Variants in NAE1 observed in about 807,000 individuals in gnomAD.
NAE1 encodes the protein NEDD8 activating enzyme E1 subunit 1.
A neutral mutation model predicts 88.0 loss-of-function variants in NAE1; 59 were observed. The observed-to-expected ratio is 0.67, with a 90% CI of 0.54 to 0.83. The LOEUF (loss-of-function observed/expected upper bound fraction) is 0.83. NAE1 is among the 40% of genes least tolerant of loss of function. The probability of loss-of-function intolerance (pLI) is 0.00; values close to 1 mark genes in which losing one functional copy is unlikely to be tolerated. For synonymous variants in NAE1, 186 were observed against 208.9 expected, an observed-to-expected ratio of 0.89 and a Z score of 0.95; for missense variants, 554 against 632.8, an observed-to-expected ratio of 0.88 and a Z score of 1.34.
intron 1 of NAE1, chr16:66,828,129 C>T: frequency 1.5e-6 from 2 of 1,361,596 alleles, no homozygotes; most frequent in South Asian, 1.2e-5. Context: ...CAAAGTATGG[C>T]ACGTAGAAGA....
Position 66,816,720 on chromosome 16 carries a change from T to C in NAE1, c.749-48A>G, listed in dbSNP as rs946578693. The C allele has an allele frequency of 2.8e-6, 4 of 1,407,346 alleles. No homozygotes were observed. The African/African-American group carries it at 5.7e-5, about 20-fold the overall frequency. The allele number at this position is 1,407,346 out of a possible 1,614,324, so 87.2% of individuals were successfully genotyped here. ...GCAAACAGCCCTTTTCTTTTCACTC[T>C]TCTGTTCCCCCATTATAAAAATAAC... On this transcript the variant is annotated intron_variant, in intron 10 of 19. Transcript: ENST00000290810.
At chr16:66,805,669 C>T in intron 19 of NAE1, 108 bp downstream of exon 19, 2 of 901,354 alleles carry the variant, frequency 2.2e-6, no homozygotes, top group Non-Finnish European at 1.5e-6. Flanking sequence ...ATATAACATC[C>T]TGCTTCACTG....
In NAE1 at chr16:66,830,832, T is replaced by TGAGCCTCGGC. The variant is rs1218806728; in HGVS notation, c.53+5_53+14dup. On this transcript the variant is annotated intron_variant, in intron 1 of 19. Transcript: ENST00000290810. ...GCCCGCCGGCCCGCCCTCGGCTCGG[T>TGAGCCTCGGC]GAGCCTCGGCTCACCTCAGCTGCCG... The TGAGCCTCGGC allele has an allele frequency of 6.6e-7, 1 of 1,506,554 alleles. No individual in the cohort carries two copies. Among genetic ancestry groups the TGAGCCTCGGC allele is most frequent in the African/African-American group, 1.5e-5 (1 of 68,848 alleles). 93.3% of individuals were successfully genotyped at this position (1,506,554 alleles called of 1,614,324 possible). A position where few individuals can be genotyped will look rare whatever the true frequency, so the allele number is the denominator to read the frequency against.
chr16:66,806,620 C>T (rs1474695260), intron 17 of NAE1, among the ~76,000 whole-genome samples: 1 of 151,996 alleles, frequency 6.6e-6, no homozygotes, highest in Non-Finnish European at 1.5e-5. Context: ...TCAGTGTTGG[C>T]TAGGCTGGTC....
chr16:66,813,334 TCTCA>T (rs1309461507), intron 13 of NAE1: 3 of 454,872 alleles, frequency 6.6e-6, no homozygotes, highest in Non-Finnish European at 1.2e-5. Context: ...GAGATGGAAG[TCTCA>T]CTATGTTGCC....
intron 8 of NAE1, among the ~76,000 whole-genome samples, chr16:66,817,713 C>T (rs2145334466): frequency 1.3e-5 from 2 of 152,266 alleles, no homozygotes; most frequent in South Asian, 4.1e-4. Flanking sequence ...ACCAGCAAAA[C>T]AGTCTCAGAG....
intron 15 of NAE1, 111 bp downstream of exon 15, chr16:66,810,263 T>G (rs1266508275): frequency 2.4e-6 from 2 of 820,374 alleles, no homozygotes; most frequent in African/African-American, 3.5e-5. Flanking sequence ...TATATCTATA[T>G]CACTGAGGCC....
intron 7 of NAE1, among the ~76,000 whole-genome samples, chr16:66,819,654 GAAGT>G (rs1355866870): frequency 2.0e-5 from 3 of 152,152 alleles, no homozygotes; most frequent in Non-Finnish European, 4.4e-5. Context: ...CCAAAAATCT[GAAGT>G]AAGAAATGTT....
At chr16:66,824,808 G>T (rs368859063) in intron 4 of NAE1, 47 bp downstream of exon 4, 114 of 1,519,088 alleles carry the variant, frequency 7.5e-5, no homozygotes, top group Middle Eastern at 6.9e-4. Context: ...CAAAACACAG[G>T]GGCATCATTA....
At chr16:66,814,481 T>C (rs772870967) in intron 11 of NAE1, among the ~76,000 whole-genome samples, 2 of 151,426 alleles carry the variant, frequency 1.3e-5, no homozygotes, top group Non-Finnish European at 2.9e-5. Flanking sequence ...TGGTCCCAGC[T>C]ACTTGGGAGG....
chr16:66,819,277 T>G (rs1960162640), intron 7 of NAE1, among the ~76,000 whole-genome samples: 1 of 152,200 alleles, frequency 6.6e-6, no homozygotes, highest in Non-Finnish European at 1.5e-5. Context: ...AGCATCACCA[T>G]CTACCTAGAC....
intron 3 of NAE1, among the ~76,000 whole-genome samples, chr16:66,825,340 G>A (rs372463840): frequency 5.2e-4 from 79 of 151,998 alleles, no homozygotes; most frequent in Middle Eastern, 3.4e-3. Context: ...CCAGCTACTC[G>A]GAAGGCTGAG....
intron 1 of NAE1, among the ~76,000 whole-genome samples, chr16:66,827,290 C>T (rs1157206277): frequency 6.6e-6 from 1 of 151,812 alleles, no homozygotes; most frequent in African/African-American, 2.4e-5. Context: ...TTAGATGTGC[C>T]AGGTGCAGTG....
At position 66,830,940 on chromosome 16, in the gene NAE1, A is replaced by C. The variant is rs542850098; in HGVS notation, c.-41T>G. ...GCGGAAAACAGCCGAGCCCCTGCGG[A>C]GCGCCGCCACCAGCTCCACAAGCGC... is the stretch of plus-strand genomic sequence containing the variant. On this transcript the variant is annotated 5_prime_UTR_variant, in exon 1 of 20. Transcript: ENST00000290810. 157 of 1,492,650 alleles carry C rather than the reference A, an allele frequency of 1.1e-4. No homozygotes were observed. The African/African-American group carries it at 2.0e-3, about 19-fold the overall frequency. 92.5% of individuals were successfully genotyped at this position (1,492,650 alleles called of 1,614,324 possible).
chr16:66,821,849 G>C (rs1960275090), intron 6 of NAE1, among the ~76,000 whole-genome samples: 1 of 152,126 alleles, frequency 6.6e-6, no homozygotes, highest in Non-Finnish European at 1.5e-5. Flanking sequence ...TTCCATGATA[G>C]AGAAAAAATA....
chr16:66,827,932 C>A, intron 1 of NAE1: 1 of 1,511,242 alleles, frequency 6.6e-7, no homozygotes. Flanking sequence ...GCATTTCTCT[C>A]GCCTCAGCCT....
Position 66,826,568 on chromosome 16 carries a change from G to A in NAE1, c.173C>T (p.Thr58Ile), listed in dbSNP as rs765536797. Residue 58 changes from threonine to isoleucine, a missense_variant, in exon 3 of 20, where the codon ACA (threonine) becomes ATA (isoleucine). By Grantham distance (89) the Thr-to-Ile change is moderately conservative. Transcript: ENST00000290810. ...GCTGACCTGATTTCCATCAATAATT[G>A]TAAACGAACCAATACCTGAGAGCCA... The part of the protein sequence containing the change: ...NLVLPGIGSF[T>I]IIDGNQVSGE... 6.2e-7 allele frequency: 1 copy of A among 1,614,050 alleles called. No individual in the cohort carries two copies. The highest frequency in any genetic ancestry group is 8.5e-7 in the Non-Finnish European group (1 of 1,179,992).
At chr16:66,824,495 GGGA>G in intron 4 of NAE1, 1 of 159,162 alleles carries the variant, frequency 6.3e-6, no homozygotes, top group South Asian at 1.8e-4. Context: ...GGAAGACTGA[GGGA>G]GGAGAACGGC....
At position 66,816,021 on chromosome 16, in the gene NAE1, GTAA is replaced by G. The variant is rs1336706121; in HGVS notation, c.840+557_840+559del. ...CTGCCTTGTTGTCTCTAAAAAGTTG[GTAA>G]TAATATCTTACGTGCCTTCCTAACT... On this transcript the variant is annotated intron_variant, in intron 11 of 19. Coordinates refer to ENST00000290810, the MANE Select transcript of NAE1 (RefSeq NM_003905.4). Among the ~76,000 whole-genome samples, 4 of 152,278 alleles carry G rather than the reference GTAA, an allele frequency of 2.6e-5. No individual in the cohort carries two copies. The East Asian group carries it at 7.7e-4, about 29-fold the overall frequency.
Sources: allele counts gnomAD v4.1 joint callset (sites outside exome capture counted in the v4.1 genomes callset), GRCh38; gene constraint gnomAD v4.1.1; transcripts MANE v1.5; gene names NCBI Gene and HGNC (gene_info 2026-07-23, HGNC 2026-07-21).